Variants in SHISA9 observed in about 807,000 individuals in gnomAD.
SHISA9 encodes the protein protein shisa-9.
A neutral mutation model predicts 38.0 loss-of-function variants in SHISA9; 13 were observed. That is an observed-to-expected ratio of 0.34 (90% CI 0.22 to 0.54). The LOEUF (loss-of-function observed/expected upper bound fraction) is 0.54, where lower values mean the gene tolerates loss of function less well. Ranked by LOEUF, SHISA9 falls within the 20% of genes least tolerant of loss-of-function variation. SHISA9 has a pLI of 0.91. For synonymous variants in SHISA9, 275 were observed against 242.0 expected, an observed-to-expected ratio of 1.14 and a Z score of -1.27; for missense variants, 538 against 575.8, an observed-to-expected ratio of 0.93 and a Z score of 0.67.
the SHISA9 span, among the ~76,000 whole-genome samples, chr16:13,385,455 T>A: frequency 2.7e-5 from 4 of 145,832 alleles, 1 homozygote; most frequent in South Asian, 6.7e-4. Flanking sequence ...GAAATAGTAC[T>A]CAGCAAAGAA....
chr16:13,510,496 C>G, the SHISA9 span, among the ~76,000 whole-genome samples: 3 of 152,134 alleles, frequency 2.0e-5, no homozygotes, highest in Non-Finnish European at 4.4e-5. Flanking sequence ...TTCATTCATC[C>G]TCATAATCTT....
At chr16:13,281,485 A>G in the SHISA9 span, among the ~76,000 whole-genome samples, 2 of 150,702 alleles carry the variant, frequency 1.3e-5, no homozygotes, top group African/African-American at 4.9e-5. Context: ...ATTTAATGGA[A>G]TTACTGAATT....
chr16:13,230,060 C>A (rs2051316757), intron 4 of SHISA9, among the ~76,000 whole-genome samples: 1 of 152,128 alleles, frequency 6.6e-6, no homozygotes, highest in Admixed American at 6.5e-5. Flanking sequence ...CCTTTGTGTG[C>A]CCTTTCAGGG....
the SHISA9 span, among the ~76,000 whole-genome samples, chr16:13,346,209 A>G: frequency 6.6e-6 from 1 of 152,116 alleles, no homozygotes; most frequent in East Asian, 1.9e-4. Flanking sequence ...GTGAGAACAT[A>G]TGGTATTTGA....
At chr16:13,204,806 C>G (rs2051047561) in intron 3 of SHISA9, 1 of 152,138 alleles carries the variant, frequency 6.6e-6, no homozygotes, top group Admixed American at 6.5e-5. Flanking sequence ...ATAACTTGCC[C>G]AAGTCAAGCA....
the SHISA9 span, among the ~76,000 whole-genome samples, chr16:13,476,484 C>G: frequency 6.6e-6 from 1 of 152,262 alleles, no homozygotes; most frequent in Admixed American, 6.5e-5. Flanking sequence ...GTAACAGGAC[C>G]TAGACTGAAC....
At chr16:13,104,291 A>G (rs183633607) in intron 2 of SHISA9, among the ~76,000 whole-genome samples, 1 of 152,292 alleles carries the variant, frequency 6.6e-6, no homozygotes, top group East Asian at 1.9e-4. Flanking sequence ...ACAGTTTGGC[A>G]GTTTCTTAAA....
At chr16:13,107,472 G>GACACACACACACACACAC (rs34291803) in intron 2 of SHISA9, among the ~76,000 whole-genome samples, 4 of 144,326 alleles carry the variant, frequency 2.8e-5, no homozygotes, top group Non-Finnish European at 6.1e-5. Flanking sequence ...AAAAACAACA[G>GACACACACACACACACAC]ACACACACAC....
At chr16:13,037,109 GACACAC>G (rs1207707042) in intron 2 of SHISA9, among the ~76,000 whole-genome samples, 7,386 of 105,200 alleles carry the variant, frequency 0.07, 260 homozygotes, top group Middle Eastern at 0.096. Context: ...CACACACACA[GACACAC>G]ACACACACAC....
intron 2 of SHISA9, among the ~76,000 whole-genome samples, chr16:13,060,074 G>A (rs751873277): frequency 2.0e-5 from 3 of 152,196 alleles, no homozygotes; most frequent in Non-Finnish European, 2.9e-5. Context: ...TATTCAGAGA[G>A]ATCATGACCT....
intron 2 of SHISA9, among the ~76,000 whole-genome samples, chr16:12,941,453 G>A (rs1191029826): frequency 1.3e-5 from 2 of 152,194 alleles, no homozygotes; most frequent in Non-Finnish European, 1.5e-5. Context: ...ATACAGGCAT[G>A]CAATGCATAA....
chr16:12,961,071 G>T (rs1198246552), intron 2 of SHISA9, among the ~76,000 whole-genome samples: 1 of 152,236 alleles, frequency 6.6e-6, no homozygotes, highest in Non-Finnish European at 1.5e-5. Flanking sequence ...AATTTGGTCA[G>T]GGGTCAGGGG....
chr16:13,159,078 C>A (rs1198770140), intron 2 of SHISA9, among the ~76,000 whole-genome samples: 4 of 149,292 alleles, frequency 2.7e-5, no homozygotes, highest in Admixed American at 2.0e-4. Flanking sequence ...AAAAACAAAA[C>A]CAAAAACAAA....
chr16:13,300,023 C>G, the SHISA9 span, among the ~76,000 whole-genome samples: 2 of 152,104 alleles, frequency 1.3e-5, no homozygotes, highest in African/African-American at 4.8e-5. Context: ...GTTTTACTGC[C>G]ACTTCCGTTC....
the SHISA9 span, among the ~76,000 whole-genome samples, chr16:13,559,310 T>C: frequency 7.1e-4 from 108 of 152,232 alleles, 1 homozygote; most frequent in African/African-American, 2.5e-3. Context: ...AGGGTAGTGA[T>C]TAGCCCAAGA....
At chr16:13,391,900 G>A in the SHISA9 span, among the ~76,000 whole-genome samples, 396 of 152,330 alleles carry the variant, frequency 2.6e-3, 1 homozygote, top group Non-Finnish European at 4.6e-3. Context: ...TTGGAATGAT[G>A]CAGATTTAAT....
intron 2 of SHISA9, among the ~76,000 whole-genome samples, chr16:13,101,786 C>A (rs1421122448): frequency 6.6e-6 from 1 of 152,182 alleles, no homozygotes; most frequent in African/African-American, 2.4e-5. Flanking sequence ...CTCGCCAATA[C>A]TTGCTATCGT....
the SHISA9 span, among the ~76,000 whole-genome samples, chr16:13,447,029 G>C: frequency 6.6e-6 from 1 of 151,224 alleles, no homozygotes; most frequent in Non-Finnish European, 1.5e-5. Flanking sequence ...CTATGTGTGG[G>C]GCTGTAAAAA....
At chr16:13,447,530 C>G in the SHISA9 span, among the ~76,000 whole-genome samples, 67 of 152,332 alleles carry the variant, frequency 4.4e-4, no homozygotes, top group African/African-American at 1.6e-3. Flanking sequence ...AGACCCACTA[C>G]AGATGCTGCA....
Sources: allele counts gnomAD v4.1 joint callset (sites outside exome capture counted in the v4.1 genomes callset), GRCh38; gene constraint gnomAD v4.1.1; transcripts MANE v1.5; gene names NCBI Gene and HGNC (gene_info 2026-07-23, HGNC 2026-07-21).